Variants in TENM3 observed in about 807,000 individuals in gnomAD.
The protein encoded by TENM3 is teneurin transmembrane protein 3, also known as teneurin-3.
Under a neutral mutation model 255.1 loss-of-function variants are expected in TENM3, and 63 were observed. The ratio of observed to expected loss-of-function variants is 0.25; its 90% CI spans 0.20 to 0.30. The LOEUF (loss-of-function observed/expected upper bound fraction) is 0.30. TENM3 is among the 10% of genes least tolerant of loss of function. The pLI is 1.00. For synonymous variants in TENM3, 1,306 were observed against 1,322.3 expected (o/e 0.99, Z 0.27); for missense variants, 2,929 against 3,461.1 (o/e 0.85, Z 3.86).
At chr4:182,321,292 G>A (rs1049600085) in intron 1 of TENM3, among the ~76,000 whole-genome samples, 2 of 152,114 alleles carry the variant, frequency 1.3e-5, no homozygotes, top group African/African-American at 4.8e-5. Context: ...CTAGAAGGCA[G>A]CCTAGCACAT....
chr4:181,886,378 A>C, the TENM3 span, among the ~76,000 whole-genome samples: 3 of 152,128 alleles, frequency 2.0e-5, no homozygotes, highest in African/African-American at 7.2e-5. Context: ...TTCTTCATTA[A>C]GTTGTGCTAA....
At chr4:181,637,278 A>G in the TENM3 span, among the ~76,000 whole-genome samples, 1 of 152,204 alleles carries the variant, frequency 6.6e-6, no homozygotes, top group Non-Finnish European at 1.5e-5. Context: ...TATTTATGTG[A>G]GTGTTCCTGA....
the TENM3 span, among the ~76,000 whole-genome samples, chr4:181,828,391 C>T: frequency 2.6e-5 from 4 of 152,170 alleles, no homozygotes; most frequent in South Asian, 8.3e-4. Context: ...ATACTAGTGG[C>T]ATTTGTACAG....
rs1010292342 is a variant in TENM3, at chr4:182,620,133, G to A, written c.750-8518G>A. 5.9e-5 allele frequency among the ~76,000 whole-genome samples: 9 copies of A among 152,196 alleles called. 1 individual carries two copies. The highest frequency in any genetic ancestry group is 2.2e-4 in the African/African-American group (9 of 41,446). ...TCCCAGAGCTGTATGACTCGGCAGA[G>A]TCACAGGATGGGAAGAGACTAATGA... is the stretch of plus-strand genomic sequence containing the variant. On this transcript the variant is annotated intron_variant, in intron 4 of 27. Transcript: ENST00000511685.
At chr4:181,672,519 G>A in the TENM3 span, among the ~76,000 whole-genome samples, 1 of 152,164 alleles carries the variant, frequency 6.6e-6, no homozygotes, top group Non-Finnish European at 1.5e-5. Flanking sequence ...ACGGCACTTA[G>A]TGAAATTAAC....
intron 17 of TENM3, among the ~76,000 whole-genome samples, chr4:182,737,315 T>C (rs1161376784): frequency 6.6e-6 from 1 of 152,234 alleles, no homozygotes; most frequent in East Asian, 1.9e-4. Flanking sequence ...AGGAATTCTG[T>C]GAATGAGGTT....
intron 18 of TENM3, among the ~76,000 whole-genome samples, chr4:182,741,507 T>A (rs1487948822): frequency 6.6e-6 from 1 of 152,214 alleles, no homozygotes; most frequent in Non-Finnish European, 1.5e-5. Context: ...GGCCAATCGT[T>A]CAAAGTAATG....
At chr4:182,019,284 T>A in the TENM3 span, among the ~76,000 whole-genome samples, 1 of 152,156 alleles carries the variant, frequency 6.6e-6, no homozygotes, top group South Asian at 2.1e-4. Flanking sequence ...CCCCTCTGAG[T>A]CATGCTGGCT....
chr4:182,621,162 C>T (rs943255318), intron 4 of TENM3, among the ~76,000 whole-genome samples: 1 of 147,946 alleles, frequency 6.8e-6, no homozygotes, highest in Non-Finnish European at 1.5e-5. Context: ...GCCTGGACAA[C>T]AGAGCGAGAC....
intron 20 of TENM3, 91 bp downstream of exon 20, chr4:182,752,123 T>A: frequency 1.2e-6 from 1 of 824,366 alleles, no homozygotes; most frequent in Non-Finnish European, 1.8e-6. Flanking sequence ...TAGTCATGTT[T>A]AATGCTGAGT....
intron 3 of TENM3, among the ~76,000 whole-genome samples, chr4:182,442,841 C>A (rs186063723): frequency 1.1e-5 from 1 of 92,336 alleles, no homozygotes; most frequent in African/African-American, 4.3e-5. Context: ...TACATACATA[C>A]ATATATACAC....
chr4:182,379,341 A>T (rs1767407529), intron 3 of TENM3, among the ~76,000 whole-genome samples: 1 of 152,056 alleles, frequency 6.6e-6, no homozygotes, highest in South Asian at 2.1e-4. Flanking sequence ...TGGGCAATAG[A>T]GCGAGACTCC....
intron 19 of TENM3, chr4:182,744,194 T>TA (rs1488002985): frequency 1.1e-6 from 1 of 944,302 alleles, no homozygotes; most frequent in African/African-American, 1.8e-5. Context: ...TTATTGTATA[T>TA]TTTCAAATAT....
chr4:182,328,360 C>T (rs59461847), intron 2 of TENM3, among the ~76,000 whole-genome samples: 8,790 of 151,916 alleles, frequency 0.058, 514 homozygotes, highest in African/African-American at 0.15. Context: ...GAATTATAGG[C>T]GCCTGCCACT....
chr4:182,251,895 G>C (rs998515666), intron 1 of TENM3, among the ~76,000 whole-genome samples: 4 of 152,100 alleles, frequency 2.6e-5, no homozygotes, highest in African/African-American at 9.7e-5. Flanking sequence ...AATTAAATGA[G>C]ATTGCTGGCA....
In TENM3 at chr4:182,738,415, G is replaced by A; in HGVS notation, c.3250G>A (p.Glu1084Lys). 11 of 1,610,838 alleles carry A rather than the reference G, an allele frequency of 6.8e-6. No homozygotes were observed. Among genetic ancestry groups the A allele is most frequent in the Non-Finnish European group, 9.3e-6 (11 of 1,178,496 alleles). Reference protein sequence around the residue: ...LSEAVVSVGYEYESCLDLTLW... With the variant: ...LSEAVVSVGYKYESCLDLTLW... ...TTGGATTCCAGTGTCAGTTGGATATGAGTATGAGTCGTGTTTGGACCTGAC... is the reference window on the plus strand; with the variant it reads ...TTGGATTCCAGTGTCAGTTGGATATAAGTATGAGTCGTGTTTGGACCTGAC... The change falls in exon 18 of 28, where the codon GAG becomes AAG. Residue 1084 changes from glutamate to lysine, a missense_variant. Physicochemically the swap from Glu to Lys is moderately conservative, Grantham distance 56 (BLOSUM62 1). This residue lies in a region of TENM3 where 1,608 missense variants were observed against 1,884.4 expected (regional missense o/e 0.85). Transcript: ENST00000511685.
At chr4:181,633,530 A>C in the TENM3 span, among the ~76,000 whole-genome samples, 3 of 152,200 alleles carry the variant, frequency 2.0e-5, no homozygotes, top group East Asian at 5.8e-4. Flanking sequence ...TTTTCCAGAG[A>C]ATATTCTAAA....
chr4:182,698,448 A>G (rs891085895), intron 12 of TENM3, among the ~76,000 whole-genome samples: 2 of 152,196 alleles, frequency 1.3e-5, no homozygotes, highest in African/African-American at 4.8e-5. Context: ...CATTAGAATT[A>G]CAACTGCAAC....
chr4:181,682,599 T>C, the TENM3 span, among the ~76,000 whole-genome samples: 1 of 152,152 alleles, frequency 6.6e-6, no homozygotes, highest in African/African-American at 2.4e-5. Flanking sequence ...AAAAAATATA[T>C]ATATGCACAT....
Sources: gnomAD v4.1 joint callset for allele counts (sites outside exome capture counted in the v4.1 genomes callset) on GRCh38, gnomAD v4.1.1 for gene constraint, gnomAD v4.1.1 regional missense constraint, MANE v1.5 for transcripts, NCBI Gene and HGNC (gene_info 2026-07-23, HGNC 2026-07-21) for gene names.